L3MBTL4: variants seen among roughly 807,000 people sequenced by gnomAD.
The protein encoded by L3MBTL4 is L3MBTL histone methyl-lysine binding protein 4, also known as lethal(3)malignant brain tumor-like protein 4.
A neutral mutation model predicts 84.5 loss-of-function variants in L3MBTL4; 70 were observed. The ratio of observed to expected loss-of-function variants is 0.83; its 90% CI spans 0.68 to 1.01. The LOEUF is 1.01. Among genes scored for constraint, L3MBTL4 ranks in the 50% least tolerant of loss-of-function variants. L3MBTL4 has a pLI of 0.00. For missense variants in L3MBTL4, 715 were observed against 754.8 expected (o/e 0.95, Z 0.62); for synonymous variants, 274 against 259.8 (o/e 1.05, Z -0.52).
At chr18:6,145,376 G>A (rs907393266) in intron 13 of L3MBTL4, among the ~76,000 whole-genome samples, 13 of 152,034 alleles carry the variant, frequency 8.6e-5, no homozygotes, top group South Asian at 2.1e-4. Context: ...AATTTTATTT[G>A]GTATACAGAC....
chr18:6,220,067 A>C (rs2046486543), intron 10 of L3MBTL4, among the ~76,000 whole-genome samples: 2 of 152,170 alleles, frequency 1.3e-5, no homozygotes, highest in Non-Finnish European at 2.9e-5. Flanking sequence ...ATAAAAATAA[A>C]AAGAAGAAAC....
At chr18:6,173,744 C>T (rs1340772999) in intron 12 of L3MBTL4, among the ~76,000 whole-genome samples, 3 of 152,120 alleles carry the variant, frequency 2.0e-5, no homozygotes, top group Admixed American at 2.0e-4. Flanking sequence ...CATGCCACTG[C>T]ACTGCAGCCT....
intron 1 of L3MBTL4, among the ~76,000 whole-genome samples, chr18:6,360,987 C>T (rs1289882784): frequency 6.7e-6 from 1 of 148,908 alleles, no homozygotes; most frequent in Non-Finnish European, 1.5e-5. Context: ...CACTGCCCTC[C>T]AGCCTAGGCA....
At chr18:6,276,648 A>G (rs1487871912) in intron 4 of L3MBTL4, among the ~76,000 whole-genome samples, 2 of 142,694 alleles carry the variant, frequency 1.4e-5, no homozygotes, top group African/African-American at 2.8e-5. Flanking sequence ...GCACAAAACA[A>G]AGCATTAAAA....
At chr18:6,341,219 G>T (rs1210549904) in intron 1 of L3MBTL4, among the ~76,000 whole-genome samples, 1 of 151,572 alleles carries the variant, frequency 6.6e-6, no homozygotes, top group African/African-American at 2.4e-5. Context: ...GGAAAACAAA[G>T]AATCAAAAAA....
intron 16 of L3MBTL4, among the ~76,000 whole-genome samples, chr18:5,989,863 A>AG (rs1402750711): frequency 6.6e-6 from 1 of 152,204 alleles, no homozygotes; most frequent in Non-Finnish European, 1.5e-5. Context: ...TCCACTTGGA[A>AG]GGTCCCCTTT....
chr18:6,198,711 T>C (rs1351788488), intron 12 of L3MBTL4, among the ~76,000 whole-genome samples: 1 of 152,208 alleles, frequency 6.6e-6, no homozygotes, highest in African/African-American at 2.4e-5. Flanking sequence ...AATGAAGATA[T>C]CTCAGCCTAT....
chr18:6,258,134 G>A (rs1275583448), intron 5 of L3MBTL4, among the ~76,000 whole-genome samples: 1 of 152,172 alleles, frequency 6.6e-6, no homozygotes, highest in African/African-American at 2.4e-5. Flanking sequence ...GCTGAGTGAT[G>A]GTCTGCAGGG....
intron 10 of L3MBTL4, among the ~76,000 whole-genome samples, chr18:6,228,888 C>G (rs1458203689): frequency 6.6e-6 from 1 of 152,086 alleles, no homozygotes; most frequent in East Asian, 1.9e-4. Context: ...CTTCAAAGCT[C>G]TGAGGGGAAA....
intron 16 of L3MBTL4, among the ~76,000 whole-genome samples, chr18:6,075,661 T>C (rs2057832680): frequency 1.3e-5 from 2 of 152,130 alleles, no homozygotes; most frequent in Non-Finnish European, 1.5e-5. Flanking sequence ...ATAGAACTGA[T>C]AGACTATATT....
intron 1 of L3MBTL4, among the ~76,000 whole-genome samples, chr18:6,330,464 C>G (rs541825965): frequency 1.3e-5 from 2 of 152,366 alleles, no homozygotes; most frequent in South Asian, 4.1e-4. Flanking sequence ...CCAGCAATGG[C>G]TGATCAAGTC....
intron 14 of L3MBTL4, among the ~76,000 whole-genome samples, chr18:6,132,446 T>C (rs570691760): frequency 1.3e-5 from 2 of 152,292 alleles, no homozygotes; most frequent in South Asian, 2.1e-4. Context: ...GAAGAGCTGA[T>C]AGAATTCATC....
At chr18:6,122,240 C>T (rs897407970) in intron 14 of L3MBTL4, among the ~76,000 whole-genome samples, 2 of 152,140 alleles carry the variant, frequency 1.3e-5, no homozygotes, top group Non-Finnish European at 1.5e-5. Flanking sequence ...GTACAATAGA[C>T]ACTTTCCAAA....
intron 16 of L3MBTL4, among the ~76,000 whole-genome samples, chr18:6,056,510 T>TTATA (rs2057028512): frequency 6.6e-6 from 1 of 152,130 alleles, no homozygotes; most frequent in Non-Finnish European, 1.5e-5. Context: ...GGTCAGACCT[T>TTATA]TATATATAGT....
intron 1 of L3MBTL4, among the ~76,000 whole-genome samples, chr18:6,355,812 C>T (rs1018796460): frequency 6.6e-6 from 1 of 150,816 alleles, no homozygotes; most frequent in African/African-American, 2.4e-5. Flanking sequence ...ATTTTATCCT[C>T]ATTTGAATTA....
In L3MBTL4 at chr18:6,145,004, T is replaced by C. The variant is rs114258402; in HGVS notation, c.1097-6708A>G. On this transcript the variant is annotated intron_variant, in intron 13 of 18. Coordinates refer to ENST00000317931, the MANE Select transcript of L3MBTL4 (RefSeq NM_001330559.2). ...TATCCCTCTCTTTGATTAAACTCTA[T>C]GGTTTAATTTTTGTGTTACTTGCTG... Among the ~76,000 whole-genome samples the C allele has an allele frequency of 4.4e-3, 669 of 152,320 alleles. 2 individuals carry two copies. The highest frequency in any genetic ancestry group is 0.015 in the African/African-American group (632 of 41,572).
chr18:6,045,004 T>C (rs1287394329), intron 16 of L3MBTL4, among the ~76,000 whole-genome samples: 3 of 152,244 alleles, frequency 2.0e-5, no homozygotes, highest in African/African-American at 4.8e-5. Context: ...ACCACCACTA[T>C]AGCTCATAAG....
chr18:6,006,243 A>G (rs2054480460), intron 16 of L3MBTL4, among the ~76,000 whole-genome samples: 1 of 152,220 alleles, frequency 6.6e-6, no homozygotes. Flanking sequence ...GTATAAGTCT[A>G]AAACACAAAG....
At chr18:6,016,638 C>T (rs1435527674) in intron 16 of L3MBTL4, among the ~76,000 whole-genome samples, 1 of 152,160 alleles carries the variant, frequency 6.6e-6, no homozygotes, top group Non-Finnish European at 1.5e-5. Context: ...TTCCTGCTCC[C>T]GTTCTGAGTC....
Sources: allele counts gnomAD v4.1 joint callset (sites outside exome capture counted in the v4.1 genomes callset), GRCh38; gene constraint gnomAD v4.1.1; transcripts MANE v1.5; gene names NCBI Gene and HGNC (gene_info 2026-07-23, HGNC 2026-07-21).